Variants in GALNT6 observed in about 807,000 individuals in gnomAD.
GALNT6 encodes the protein GalNAc transferase 6.
In GALNT6, 51 loss-of-function variants were observed where a neutral mutation model predicts 65.9. The observed-to-expected ratio is 0.77, with a 90% CI of 0.62 to 0.98. The LOEUF (loss-of-function observed/expected upper bound fraction) is 0.98, where lower values mean the gene tolerates loss of function less well. Ranked by LOEUF, GALNT6 falls within the 50% of genes least tolerant of loss-of-function variation. The pLI, the probability that GALNT6 is intolerant of heterozygous loss-of-function variation, is 0.00. For synonymous variants in GALNT6, 323 were observed against 315.1 expected (o/e 1.02, Z -0.26); for missense variants, 708 against 803.3 (o/e 0.88, Z 1.43).
At chr12:51,363,568 C>T (rs529450432) in intron 6 of GALNT6, among the ~76,000 whole-genome samples, 26 of 152,326 alleles carry the variant, frequency 1.7e-4, no homozygotes, top group Non-Finnish European at 3.5e-4. Context: ...TGGCCCTTCA[C>T]CAAAGAAGTT....
rs779529118 is a variant in GALNT6 at position 51,379,466 on chromosome 12, G to C, written c.316C>G (p.Pro106Ala). ...PAELKPFWER[P>A]PQDPNAPGAD... The stretch of plus-strand genomic sequence containing the variant: ...CCAGGGGCATTGGGGTCCTGTGGTG[G>C]CCGTTCCCAGAAGGGCTTCAGTTCA... Residue 106 changes from proline to alanine, a missense_variant, in exon 3 of 12, where the codon CCA (proline) becomes GCA (alanine). By Grantham distance (27) the Pro-to-Ala change is conservative. Coordinates refer to ENST00000356317, the MANE Select transcript of GALNT6 (RefSeq NM_007210.4). 1 of 1,614,144 alleles carries C rather than the reference G, an allele frequency of 6.2e-7. No individual in the cohort carries two copies. The highest frequency in any genetic ancestry group is 1.7e-5 in the Admixed American group (1 of 60,028).
At chr12:51,371,850 C>T (rs1947303482) in intron 4 of GALNT6, among the ~76,000 whole-genome samples, 1 of 152,138 alleles carries the variant, frequency 6.6e-6, no homozygotes, top group Non-Finnish European at 1.5e-5. Context: ...TCGGCAGAGA[C>T]ACAGTCCTGT....
In GALNT6 at chr12:51,355,243, G is replaced by C. The variant is rs76832781; in HGVS notation, c.1755+563C>G. ...AATGACTCTTCACCTTCTTCTAATTGGGTTCAGCCTAAAAATGCTTCAGCC... is the reference window on the plus strand; with the variant it reads ...AATGACTCTTCACCTTCTTCTAATTCGGTTCAGCCTAAAAATGCTTCAGCC... On this transcript the variant is annotated intron_variant, in intron 11 of 11. Coordinates refer to ENST00000356317, the MANE Select transcript of GALNT6 (RefSeq NM_007210.4). Among the ~76,000 whole-genome samples the C allele has an allele frequency of 6.6e-3, 997 of 152,206 alleles. 5 individuals are homozygous for C. The highest frequency in any genetic ancestry group is 0.014 in the Middle Eastern group (4 of 294).
At chr12:51,382,524 CAG>C (rs1237730237) in intron 2 of GALNT6, 1 of 152,806 alleles carries the variant, frequency 6.5e-6, no homozygotes, top group East Asian at 1.9e-4. Flanking sequence ...AGGTGGGAGA[CAG>C]AAGAGCCAGT....
rs77776360 is a variant in GALNT6, at chr12:51,354,384, C to T, written c.1864G>A (p.Val622Ile). Reference sequence around the variant, plus strand: ...CTCTGGGGATGATCTGGGTCCTAGACAAAGAGCCACAACTGATGGGGGTCA... The same window carrying T: ...CTCTGGGGATGATCTGGGTCCTAGATAAAGAGCCACAACTGATGGGGGTCA... ...PSDPHQLWLF[V>I] is the part of the protein sequence containing the mutation. Residue 622 changes from valine to isoleucine, a missense_variant, in exon 12 of 12, where the codon GTC (valine) becomes ATC (isoleucine). Coordinates refer to ENST00000356317, the MANE Select transcript of GALNT6 (RefSeq NM_007210.4). The T allele has an allele frequency of 3.9e-6, 6 of 1,543,588 alleles. No homozygotes were observed. Among genetic ancestry groups the T allele is most frequent in the African/African-American group, 1.4e-5 (1 of 70,206 alleles).
chr12:51,355,467 T>A (rs1374095054), intron 11 of GALNT6, among the ~76,000 whole-genome samples: 1 of 152,014 alleles, frequency 6.6e-6, no homozygotes, highest in African/African-American at 2.4e-5. Context: ...TCAAGTTCTC[T>A]TTTTATTTTT....
At chr12:51,377,388 A>G in intron 3 of GALNT6, 21 bp from the exon 4 acceptor site, 1 of 1,610,570 alleles carries the variant, frequency 6.2e-7, no homozygotes, top group Non-Finnish European at 8.5e-7. Flanking sequence ...GAAAGTACGG[A>G]CAAAGTTCTC....
At position 51,364,262 on chromosome 12, in the gene GALNT6, A is replaced by T; in HGVS notation, c.908T>A (p.Leu303His). ...GGGCTTGGCGAACTCAAAAGTATTAAGGTCGATGGTGACGATGTCTGGGCT... is the reference window on the plus strand; with the variant it reads ...GGGCTTGGCGAACTCAAAAGTATTATGGTCGATGGTGACGATGTCTGGGCT... Reference protein sequence around the residue: ...VVSPDIVTIDLNTFEFAKPVQ... With the variant: ...VVSPDIVTIDHNTFEFAKPVQ... Residue 303 changes from leucine (L) to histidine (H), a missense_variant, in exon 6 of 12, where the codon CTT becomes CAT. Physicochemically the swap from Leu to His is moderately conservative, Grantham distance 99 (BLOSUM62 -3). Transcript: ENST00000356317. 1.2e-6 allele frequency: 2 copies of T among 1,614,180 alleles called. No homozygotes were observed. Among genetic ancestry groups the T allele is most frequent in the South Asian group, 2.2e-5 (2 of 91,080 alleles).
At chr12:51,370,801 T>C (rs955624241) in intron 4 of GALNT6, among the ~76,000 whole-genome samples, 1 of 152,054 alleles carries the variant, frequency 6.6e-6, no homozygotes, top group Admixed American at 6.6e-5. Flanking sequence ...TCCTAGCACT[T>C]TGGGAGGCTG....
chr12:51,365,327 G>A (rs1053042298), intron 5 of GALNT6, 103 bp downstream of exon 5: 20 of 1,134,782 alleles, frequency 1.8e-5, no homozygotes, highest in East Asian at 1.3e-4. Context: ...CTTCACTCCC[G>A]GAAGAGAGAA....
At chr12:51,384,591 C>T (rs1947770346) in intron 2 of GALNT6, among the ~76,000 whole-genome samples, 3 of 146,966 alleles carry the variant, frequency 2.0e-5, no homozygotes, top group African/African-American at 7.6e-5. Context: ...ACTCAGGAGA[C>T]AGAGGCAGGA....
Position 51,364,179 on chromosome 12 carries a change from A to G in GALNT6, c.991T>C (p.Trp331Arg). ...GNFDWSLTFG[W>R]ETLPPHEKQR... Reference sequence around the variant, plus strand: ...TTCTCATGTGGAGGAAGTGTTTCCCAGCCGAAGGTCAGGCTCCAGTCAAAG... The same window carrying G: ...TTCTCATGTGGAGGAAGTGTTTCCCGGCCGAAGGTCAGGCTCCAGTCAAAG... The change falls in exon 6 of 12, where the codon TGG (tryptophan) becomes CGG (arginine). Residue 331 changes from tryptophan to arginine, a missense_variant. Physicochemically the swap from Trp to Arg is moderately radical, Grantham distance 101. Transcript: ENST00000356317. The G allele has an allele frequency of 1.2e-6, 2 of 1,614,170 alleles. No individual in the cohort carries two copies. Among genetic ancestry groups the G allele is most frequent in the Non-Finnish European group, 1.7e-6 (2 of 1,180,020 alleles).
rs1425829177 is a variant in GALNT6, at chr12:51,353,909, C to G, written c.*470G>C. On this transcript the variant is annotated 3_prime_UTR_variant, in exon 12 of 12. Coordinates refer to ENST00000356317, the MANE Select transcript of GALNT6 (RefSeq NM_007210.4). ...CGACTACAGGCATAAGCCACCATAC[C>G]CAGCTTTTTTTTTTTGCCGGGGGGA... 9.4e-6 allele frequency: 1 copy of G among 106,842 alleles called. No individual in the cohort carries two copies. Among genetic ancestry groups the G allele is most frequent in the African/African-American group, 3.7e-5 (1 of 27,164 alleles). The allele number at this position is 106,842 out of a possible 1,614,324, so 6.6% of individuals were successfully genotyped here. A position where few individuals can be genotyped will look rare whatever the true frequency, so the allele number is the denominator to read the frequency against.
chr12:51,379,184 A>T, intron 3 of GALNT6, 107 bp downstream of exon 3: 1 of 1,135,690 alleles, frequency 8.8e-7, no homozygotes, highest in Non-Finnish European at 1.2e-6. Context: ...CATATTATAA[A>T]ATTCCCTTCA....
At chr12:51,377,893 C>T (rs1037173303) in intron 3 of GALNT6, among the ~76,000 whole-genome samples, 19 of 152,218 alleles carry the variant, frequency 1.2e-4, no homozygotes, top group African/African-American at 4.6e-4. Context: ...TGTGATTTGA[C>T]ACCACTATCA....
rs1946846771 is a variant in GALNT6, at chr12:51,359,282, G to A, written c.1218C>T (p.Gly406=). The change falls in exon 8 of 12, where the codon GGC becomes GGT. Residue 406 remains glycine, a synonymous_variant. Transcript: ENST00000356317. ...QLEIIPCSVV[G]HVFRTKSPHT... The stretch of plus-strand genomic sequence containing the variant: ...GGGGGCTCTTGGTCCGGAACACATG[G>A]CCTACGACAGAGCAGGGGATGATCT... The A allele has an allele frequency of 2.5e-6, 4 of 1,613,880 alleles. No homozygotes were observed. The highest frequency in any genetic ancestry group is 3.4e-6 in the Non-Finnish European group (4 of 1,179,954).
At chr12:51,356,160 ATG>A (rs967153726) in intron 10 of GALNT6, among the ~76,000 whole-genome samples, 1 of 150,698 alleles carries the variant, frequency 6.6e-6, no homozygotes, top group Non-Finnish European at 1.5e-5. Flanking sequence ...ATATATATAT[ATG>A]TGTGTGTGTA....
chr12:51,359,087 G>A (rs775323028), intron 8 of GALNT6, 45 bp downstream of exon 8: 15 of 1,486,432 alleles, frequency 1.0e-5, no homozygotes, highest in African/African-American at 4.1e-5. Flanking sequence ...TCTGGGGGCC[G>A]TACTTCTCTT....
rs75984960 is a variant in GALNT6, at chr12:51,378,888, C to A, written c.491+403G>T. ...TTGCTGTTAAGAAATGCCCACCCCCCCCCCAAACAGCTCAGCATTAGAGTC... is the reference window on the plus strand; with the variant it reads ...TTGCTGTTAAGAAATGCCCACCCCCACCCCAAACAGCTCAGCATTAGAGTC... On this transcript the variant is annotated intron_variant, in intron 3 of 11. Coordinates refer to ENST00000356317, the MANE Select transcript of GALNT6 (RefSeq NM_007210.4). 1.0e-4 allele frequency among the ~76,000 whole-genome samples: 15 copies of A among 145,270 alleles called. 1 individual carries two copies. The highest frequency in any genetic ancestry group is 7.1e-4 in the East Asian group (3 of 4,212).
Sources: allele counts gnomAD v4.1 joint callset (sites outside exome capture counted in the v4.1 genomes callset), GRCh38; gene constraint gnomAD v4.1.1; transcripts MANE v1.5; gene names NCBI Gene and HGNC (gene_info 2026-07-23, HGNC 2026-07-21).